EFNA5: variants seen among roughly 807,000 people sequenced by gnomAD.
The protein encoded by EFNA5 is ephrin A5.
In EFNA5, 5 loss-of-function variants were observed where a neutral mutation model predicts 22.9. The ratio of observed to expected loss-of-function variants is 0.22; its 90% CI spans 0.11 to 0.46. The LOEUF is 0.46. Among genes scored for constraint, EFNA5 ranks in the 20% least tolerant of loss-of-function variants. EFNA5 has a pLI of 0.99. For synonymous variants in EFNA5, 113 were observed against 112.2 expected, an observed-to-expected ratio of 1.01 and a Z score of -0.04; for missense variants, 237 against 293.3, an observed-to-expected ratio of 0.81 and a Z score of 1.40.
chr5:107,579,399 C>T (rs183042550), intron 1 of EFNA5, among the ~76,000 whole-genome samples: 151 of 152,210 alleles, frequency 9.9e-4, no homozygotes, highest in African/African-American at 3.5e-3. Flanking sequence ...ACTGTTTGAA[C>T]GGCTAGTGGC....
At chr5:107,645,849 A>G (rs1439837661) in intron 1 of EFNA5, among the ~76,000 whole-genome samples, 4 of 152,248 alleles carry the variant, frequency 2.6e-5, no homozygotes, top group African/African-American at 2.4e-5. Context: ...ATTCAGTACC[A>G]GTAATAGAGC....
intron 1 of EFNA5, among the ~76,000 whole-genome samples, chr5:107,485,832 G>A (rs187590018): frequency 1.1e-4 from 17 of 152,226 alleles, no homozygotes; most frequent in South Asian, 2.1e-4. Flanking sequence ...CTTCTACTGC[G>A]TATGAATTCA....
In EFNA5 at chr5:107,662,155, T is replaced by C. The variant is rs533946687; in HGVS notation, c.125+8334A>G. ...TTCTCACTAGCCAAAGAAAAACAGA[T>C]GCTAGATATCAGAGGAAAGTTTTCT... On this transcript the variant is annotated intron_variant, in intron 1 of 4. Coordinates refer to ENST00000333274, the MANE Select transcript of EFNA5 (RefSeq NM_001962.3). 3.3e-5 allele frequency among the ~76,000 whole-genome samples: 5 copies of C among 152,280 alleles called. No individual in the cohort carries two copies. The East Asian group carries it at 9.6e-4, about 29-fold the overall frequency.
At chr5:107,391,657 T>C (rs1747798224) in intron 2 of EFNA5, among the ~76,000 whole-genome samples, 1 of 152,214 alleles carries the variant, frequency 6.6e-6, no homozygotes, top group South Asian at 2.1e-4. Flanking sequence ...GTTTACTGCT[T>C]AAAGTGTAAG....
chr5:107,444,861 C>G (rs1749349472), intron 1 of EFNA5, among the ~76,000 whole-genome samples: 1 of 152,094 alleles, frequency 6.6e-6, no homozygotes, highest in African/African-American at 2.4e-5. Flanking sequence ...TGCTTGATTT[C>G]CTGCTTCATT....
intron 1 of EFNA5, among the ~76,000 whole-genome samples, chr5:107,601,707 G>T (rs1283550553): frequency 6.6e-6 from 1 of 152,168 alleles, no homozygotes; most frequent in Non-Finnish European, 1.5e-5. Flanking sequence ...TAGACATTGT[G>T]CAAGGTGCTC....
intron 1 of EFNA5, among the ~76,000 whole-genome samples, chr5:107,605,545 C>T (rs1188655247): frequency 1.3e-5 from 2 of 152,064 alleles, no homozygotes; most frequent in African/African-American, 4.8e-5. Context: ...CATCCTGTTG[C>T]TATTACGACC....
At chr5:107,426,565 C>T (rs1364517309) in intron 2 of EFNA5, among the ~76,000 whole-genome samples, 1 of 152,202 alleles carries the variant, frequency 6.6e-6, no homozygotes, top group East Asian at 1.9e-4. Context: ...CAAGGCCAGG[C>T]ATTCTGATTA....
intron 1 of EFNA5, among the ~76,000 whole-genome samples, chr5:107,534,935 T>G (rs755803282): frequency 6.6e-6 from 1 of 152,198 alleles, no homozygotes; most frequent in African/African-American, 2.4e-5. Flanking sequence ...AAAAGCATAA[T>G]GAAAGTTTGC....
chr5:107,480,745 A>G (rs1013795969), intron 1 of EFNA5, among the ~76,000 whole-genome samples: 1 of 152,214 alleles, frequency 6.6e-6, no homozygotes, highest in Non-Finnish European at 1.5e-5. Context: ...AGACTCTTGC[A>G]GTCAGCGGTC....
chr5:107,616,911 T>A (rs1297469417), intron 1 of EFNA5, among the ~76,000 whole-genome samples: 5 of 152,166 alleles, frequency 3.3e-5, no homozygotes, highest in Admixed American at 6.5e-5. Context: ...GACCTAACAT[T>A]TCATTTTCTT....
chr5:107,524,769 G>C (rs527288886), intron 1 of EFNA5, among the ~76,000 whole-genome samples: 1 of 152,244 alleles, frequency 6.6e-6, no homozygotes, highest in African/African-American at 2.4e-5. Context: ...GTGCAGAAGG[G>C]ATGTCCTTTT....
intron 1 of EFNA5, among the ~76,000 whole-genome samples, chr5:107,589,728 A>T (rs571553252): frequency 2.0e-5 from 3 of 152,010 alleles, no homozygotes; most frequent in African/African-American, 7.2e-5. Context: ...ATCCTTTAAC[A>T]CTCTTTGTTT....
chr5:107,566,632 T>C (rs1352384035), intron 1 of EFNA5, among the ~76,000 whole-genome samples: 1 of 152,196 alleles, frequency 6.6e-6, no homozygotes, highest in Non-Finnish European at 1.5e-5. Context: ...CACCCAAAAT[T>C]ACTGCAGCTT....
At chr5:107,395,776 C>CA (rs1486004466) in intron 2 of EFNA5, among the ~76,000 whole-genome samples, 6 of 152,156 alleles carry the variant, frequency 3.9e-5, no homozygotes, top group African/African-American at 1.4e-4. Flanking sequence ...ACAAAAACAG[C>CA]AACAAACCAG....
At chr5:107,605,693 GC>G (rs1749698254) in intron 1 of EFNA5, among the ~76,000 whole-genome samples, 2 of 152,036 alleles carry the variant, frequency 1.3e-5, no homozygotes, top group Admixed American at 6.5e-5. Context: ...ATTTCAACAG[GC>G]TTTGACTGAG....
At chr5:107,507,963 A>C (rs550891335) in intron 1 of EFNA5, among the ~76,000 whole-genome samples, 1 of 152,212 alleles carries the variant, frequency 6.6e-6, no homozygotes, top group East Asian at 1.9e-4. Context: ...GCCAGGAAAG[A>C]GGACAAGGTG....
intron 1 of EFNA5, among the ~76,000 whole-genome samples, chr5:107,543,134 T>C (rs1380680210): frequency 2.0e-5 from 3 of 152,178 alleles, no homozygotes; most frequent in Admixed American, 6.5e-5. Context: ...CTCCAAGCCC[T>C]TCCTGGGCAG....
At chr5:107,655,323 A>G (rs978700456) in intron 1 of EFNA5, among the ~76,000 whole-genome samples, 1 of 152,142 alleles carries the variant, frequency 6.6e-6, no homozygotes, top group African/African-American at 2.4e-5. Flanking sequence ...TAGCAGGAAA[A>G]AAGAAACCTG....
Sources: gnomAD v4.1 joint callset for allele counts (sites outside exome capture counted in the v4.1 genomes callset) on GRCh38, gnomAD v4.1.1 for gene constraint, MANE v1.5 for transcripts, NCBI Gene and HGNC (gene_info 2026-07-23, HGNC 2026-07-21) for gene names.